Variants in CCDC62 observed in about 807,000 individuals in gnomAD.
CCDC62 encodes coiled-coil domain-containing protein 62.
A neutral mutation model predicts 80.8 loss-of-function variants in CCDC62; 72 were observed. The observed-to-expected ratio is 0.89, with a 90% CI of 0.74 to 1.08. The LOEUF is 1.08. Among genes scored for constraint, CCDC62 ranks in the 50% least tolerant of loss-of-function variants. The probability of loss-of-function intolerance (pLI) is 0.00; values close to 1 mark genes in which losing one functional copy is unlikely to be tolerated. For missense variants in CCDC62, 704 were observed against 809.4 expected, an observed-to-expected ratio of 0.87 and a Z score of 1.58; for synonymous variants, 286 against 296.5, an observed-to-expected ratio of 0.96 and a Z score of 0.36.
Position 122,788,925 on chromosome 12 carries a change from A to G in CCDC62, c.666A>G (p.Leu222=), listed in dbSNP as rs79659982. The G allele has an allele frequency of 1.8e-3, 2,819 of 1,590,392 alleles. 37 individuals are homozygous for G. The African/African-American group carries it at 0.028, about 16-fold the overall frequency. The change falls in exon 5 of 13, where the codon CTA becomes CTG. Residue 222 remains leucine, a synonymous_variant. Transcript: ENST00000253079. The part of the protein sequence containing the change: ...LKALKIEVNK[L]KEDLNEKTTE... The stretch of plus-strand genomic sequence containing the variant: ...CACTTAAGATTGAAGTCAACAAACT[A>G]AAAGGTAAGGAAGAGACCTACATTT...
chr12:122,826,908 G>A lies in CCDC62; in HGVS notation c.*527G>A, dbSNP rs1021864945. 6.5e-6 allele frequency: 1 copy of A among 153,480 alleles called. No individual in the cohort carries two copies. The highest frequency in any genetic ancestry group is 1.4e-5 in the Non-Finnish European group (1 of 69,010). 9.5% of individuals were successfully genotyped at this position (153,480 alleles called of 1,614,324 possible). On this transcript the variant is annotated 3_prime_UTR_variant, in exon 13 of 13. Coordinates refer to ENST00000253079, the MANE Select transcript of CCDC62 (RefSeq NM_201435.5). The stretch of plus-strand genomic sequence containing the variant: ...AGCTTTTGACTTTGCTGTGTAAATA[G>A]ACATAAGGTGCTTTGATATAAAATA...
intron 4 of CCDC62, among the ~76,000 whole-genome samples, chr12:122,787,199 G>A (rs2030308279): frequency 6.6e-6 from 1 of 152,192 alleles, no homozygotes; most frequent in Non-Finnish European, 1.5e-5. Context: ...TATAATCCCA[G>A]CACTTTGGGA....
chr12:122,808,442 A>AT (rs1431501478), intron 10 of CCDC62, among the ~76,000 whole-genome samples: 2 of 152,212 alleles, frequency 1.3e-5, no homozygotes, highest in African/African-American at 4.8e-5. Flanking sequence ...TTCATGTATC[A>AT]TAAGTCTTTG....
chr12:122,815,221 C>T (rs747197770), intron 11 of CCDC62, among the ~76,000 whole-genome samples: 2 of 151,792 alleles, frequency 1.3e-5, no homozygotes, highest in African/African-American at 4.8e-5. Flanking sequence ...TGGGATTACA[C>T]GTACACGAAA....
intron 11 of CCDC62, among the ~76,000 whole-genome samples, chr12:122,821,009 A>C (rs1357911737): frequency 6.6e-6 from 1 of 152,038 alleles, no homozygotes; most frequent in Non-Finnish European, 1.5e-5. Flanking sequence ...GGGGGAGGTG[A>C]GGAGGTGGGC....
At chr12:122,794,054 G>A (rs1015721943) in intron 6 of CCDC62, among the ~76,000 whole-genome samples, 2 of 152,158 alleles carry the variant, frequency 1.3e-5, no homozygotes, top group Non-Finnish European at 1.5e-5. Flanking sequence ...AATGCTATGG[G>A]AGGTCAAAGG....
rs1328178038 is a variant in CCDC62, at chr12:122,825,886, G to GCAT, written c.*41-536_*41-535insCAT. On this transcript the variant is annotated intron_variant, in intron 12 of 12. Coordinates refer to ENST00000253079, the MANE Select transcript of CCDC62 (RefSeq NM_201435.5). ...CGCATGCCTGTAATCCCAGCTACTG[G>GCAT]GGAGGCTGATGCAGGAGAATGGCTT... 6.8e-4 allele frequency among the ~76,000 whole-genome samples: 103 copies of GCAT among 151,082 alleles called. 2 individuals carry two copies. The highest frequency in any genetic ancestry group is 6.8e-3 in the Middle Eastern group (2 of 292).
intron 10 of CCDC62, among the ~76,000 whole-genome samples, chr12:122,812,647 G>GGCAGGAAAATGGCGTGAACCCT (rs71085856): frequency 4.1e-5 from 1 of 24,456 alleles, no homozygotes; most frequent in Non-Finnish European, 1.2e-4. Flanking sequence ...GGGAGGCTGA[G>GGCAGGAAAATGGCGTGAACCCT]GTGGGTGGAG....
chr12:122,815,048 C>T (rs2032106471), intron 11 of CCDC62, among the ~76,000 whole-genome samples: 1 of 152,084 alleles, frequency 6.6e-6, no homozygotes, highest in Non-Finnish European at 1.5e-5. Flanking sequence ...CCTGCCTCAG[C>T]CTCCCAAAGT....
chr12:122,774,778 A>G (rs1247629407), intron 1 of CCDC62, 72 bp downstream of exon 1: 1 of 1,125,500 alleles, frequency 8.9e-7, no homozygotes, highest in Non-Finnish European at 1.1e-6. Context: ...ATTGCTTCTC[A>G]AGAACGGTGT....
At chr12:122,789,720 C>T (rs1479629483) in intron 5 of CCDC62, among the ~76,000 whole-genome samples, 4 of 152,202 alleles carry the variant, frequency 2.6e-5, no homozygotes, top group Admixed American at 6.5e-5. Context: ...CAGGCGTGAG[C>T]CAACACACCC....
chr12:122,822,188 C>G (rs2032434480), intron 11 of CCDC62, among the ~76,000 whole-genome samples: 1 of 151,584 alleles, frequency 6.6e-6, no homozygotes, highest in Non-Finnish European at 1.5e-5. Context: ...ACTACAACCT[C>G]CACCTCCCAG....
intron 11 of CCDC62, among the ~76,000 whole-genome samples, chr12:122,822,421 C>T (rs1220771962): frequency 6.6e-6 from 1 of 151,916 alleles, no homozygotes; most frequent in East Asian, 2.0e-4. Context: ...TATTATTAAC[C>T]ATAGTCATGG....
intron 9 of CCDC62, among the ~76,000 whole-genome samples, chr12:122,803,721 A>T (rs920681074): frequency 6.6e-6 from 1 of 152,242 alleles, no homozygotes; most frequent in African/African-American, 2.4e-5. Flanking sequence ...AAAGTCGGTC[A>T]TCACGCTAAA....
At chr12:122,806,499 T>A (rs1012907996) in intron 10 of CCDC62, among the ~76,000 whole-genome samples, 3 of 151,942 alleles carry the variant, frequency 2.0e-5, no homozygotes, top group Non-Finnish European at 4.4e-5. Context: ...TCTGTTTCTT[T>A]GAGACAGGAT....
At chr12:122,815,876 T>C (rs982401832) in intron 11 of CCDC62, among the ~76,000 whole-genome samples, 9 of 152,208 alleles carry the variant, frequency 5.9e-5, no homozygotes, top group Non-Finnish European at 1.2e-4. Flanking sequence ...CTGCTCTGGC[T>C]AGGACCTCCA....
In CCDC62 at chr12:122,792,117, T is replaced by C; in HGVS notation, c.768T>C (p.Phe256=). The change falls in exon 6 of 13, where the codon TTT becomes TTC. Residue 256 remains phenylalanine (F), a synonymous_variant. Transcript: ENST00000253079. ...GTTGCCTGCACGATGAATTGCTTTT[T>C]ACTGGTAAAACAGATGATCGAATGT... ...EKSCLHDELL[F]TVEREKRKDE... is the part of the protein sequence containing the mutation. 6.3e-7 allele frequency: 1 copy of C among 1,591,184 alleles called. No individual in the cohort carries two copies. Among genetic ancestry groups the C allele is most frequent in the Non-Finnish European group, 8.6e-7 (1 of 1,159,208 alleles).
At chr12:122,816,342 T>G (rs2135587644) in intron 11 of CCDC62, among the ~76,000 whole-genome samples, 1 of 152,224 alleles carries the variant, frequency 6.6e-6, no homozygotes, top group East Asian at 1.9e-4. Context: ...ATGTATGCAG[T>G]GAGGCTGCTT....
intron 11 of CCDC62, among the ~76,000 whole-genome samples, chr12:122,815,022 G>A (rs921644765): frequency 2.0e-5 from 3 of 151,742 alleles, no homozygotes; most frequent in South Asian, 2.1e-4. Context: ...TTGAACTCCC[G>A]GCCTCAAGTA....
Sources: gnomAD v4.1 joint callset for allele counts (sites outside exome capture counted in the v4.1 genomes callset) on GRCh38, gnomAD v4.1.1 for gene constraint, MANE v1.5 for transcripts, NCBI Gene and HGNC (gene_info 2026-07-23, HGNC 2026-07-21) for gene names.